CPNE5: variants seen among roughly 807,000 people sequenced by gnomAD.
CPNE5 encodes copine-5.
CPNE5 carries 42 observed loss-of-function variants against 81.1 expected under a neutral mutation model. The observed-to-expected ratio is 0.52, with a 90% confidence interval of 0.40 to 0.67. The LOEUF is 0.67. Among genes scored for constraint, CPNE5 ranks in the 30% least tolerant of loss-of-function variants. The pLI is 0.00. For missense variants in CPNE5, 612 were observed against 815.5 expected (o/e 0.75, Z 3.04); for synonymous variants, 313 against 321.5 (o/e 0.97, Z 0.28).
intron 12 of CPNE5, among the ~76,000 whole-genome samples, chr6:36,760,694 C>T (rs895987225): frequency 7.9e-5 from 12 of 152,136 alleles, no homozygotes; most frequent in African/African-American, 2.7e-4. Flanking sequence ...GAGATGAAGC[C>T]GGCTCGCCAG....
intron 3 of CPNE5, among the ~76,000 whole-genome samples, chr6:36,812,179 C>T (rs982645084): frequency 3.3e-5 from 5 of 152,184 alleles, no homozygotes; most frequent in Non-Finnish European, 4.4e-5. Context: ...GACTCCGACT[C>T]GGAAAACCAC....
At chr6:36,817,408 C>T (rs985028918) in intron 3 of CPNE5, among the ~76,000 whole-genome samples, 1 of 152,144 alleles carries the variant, frequency 6.6e-6, no homozygotes, top group Non-Finnish European at 1.5e-5. Flanking sequence ...CATCTTCACT[C>T]CTGGAGTCTG....
chr6:36,768,239 T>TTTTTTTTTTTTTTTTTC (rs1766753794), intron 10 of CPNE5, among the ~76,000 whole-genome samples: 1 of 114,050 alleles, frequency 8.8e-6, no homozygotes, highest in Non-Finnish European at 1.9e-5. Context: ...TTTTTTTTTT[T>TTTTTTTTTTTTTTTTTC]TTTTTTTTTT....
At chr6:36,834,254 C>CAAAAAAAAAAAAAAAAAAAAA (rs1157250827) in intron 1 of CPNE5, among the ~76,000 whole-genome samples, 1 of 21,684 alleles carries the variant, frequency 4.6e-5, no homozygotes, top group Non-Finnish European at 6.4e-5. Flanking sequence ...GACTGTATCT[C>CAAAAAAAAAAAAAAAAAAAAA]AAAAAAAAAA....
chr6:36,814,386 C>T (rs187421913), intron 3 of CPNE5, among the ~76,000 whole-genome samples: 18 of 152,262 alleles, frequency 1.2e-4, no homozygotes, highest in East Asian at 3.9e-4. Context: ...ATCCAACAAA[C>T]GACACATGAT....
intron 1 of CPNE5, among the ~76,000 whole-genome samples, chr6:36,837,063 T>C (rs1029643724): frequency 1.3e-5 from 2 of 152,240 alleles, no homozygotes; most frequent in African/African-American, 4.8e-5. Context: ...TTGAGTCCTT[T>C]GGACATCTTT....
chr6:36,798,216 G>C lies in CPNE5; in HGVS notation c.353C>G (p.Thr118Ser). The stretch of plus-strand genomic sequence containing the variant: ...AGGGGACCCCACAATCTCTCCAAGG[G>C]TGCAGAAGGCCTGGCCCAGGAAATC... The part of the protein sequence containing the change: ...KHDFLGQAFC[T>S]LGEIVGSPGS... Residue 118 changes from threonine (T) to serine (S), a missense_variant, in exon 6 of 21, where the codon ACC becomes AGC. Coordinates refer to ENST00000244751, the MANE Select transcript of CPNE5 (RefSeq NM_020939.2). The C allele has an allele frequency of 1.9e-6, 3 of 1,613,852 alleles. No homozygotes were observed. Among genetic ancestry groups the C allele is most frequent in the Non-Finnish European group, 2.5e-6 (3 of 1,179,880 alleles).
At chr6:36,743,868 G>A in intron 19 of CPNE5, 106 bp from the exon 20 acceptor site, 1 of 990,944 alleles carries the variant, frequency 1.0e-6, no homozygotes, top group Non-Finnish European at 1.6e-6. Context: ...CCAGGGCCGA[G>A]ACCACTGGCC....
At chr6:36,783,953 A>G (rs994058319) in intron 8 of CPNE5, among the ~76,000 whole-genome samples, 1 of 152,260 alleles carries the variant, frequency 6.6e-6, no homozygotes, top group African/African-American at 2.4e-5. Flanking sequence ...ATTCCAAATG[A>G]TGACCTCAAG....
chr6:36,837,889 T>C (rs972022144), intron 1 of CPNE5, among the ~76,000 whole-genome samples: 2 of 152,020 alleles, frequency 1.3e-5, no homozygotes, highest in African/African-American at 4.8e-5. Flanking sequence ...CTGCTTTTGA[T>C]GGCTGAGGAG....
chr6:36,824,514 C>G (rs1001598185), intron 1 of CPNE5, among the ~76,000 whole-genome samples: 1 of 152,250 alleles, frequency 6.6e-6, no homozygotes, highest in African/African-American at 2.4e-5. Context: ...GCCTCCCTTC[C>G]GGAGGTCCCA....
rs1763990394 is a variant in CPNE5, at chr6:36,745,105, G to A, written c.1374C>T (p.Leu458=). 1 of 1,613,984 alleles carries A rather than the reference G, an allele frequency of 6.2e-7. No homozygotes were observed. Among genetic ancestry groups the A allele is most frequent in the Non-Finnish European group, 8.5e-7 (1 of 1,179,972 alleles). The change falls in exon 18 of 21, where the codon CTC becomes CTT. Residue 458 remains leucine, a synonymous_variant. Transcript: ENST00000244751. ...CCGAGATGACCCCATCAGTAATGAT[G>A]AGCAGCACCGAGTACTGGGAGCCAT... ...VQDGSQYSVL[L]IITDGVISDM...
chr6:36,756,107 C>A (rs236443), intron 13 of CPNE5, 138 bp downstream of exon 13: 2 of 426,614 alleles, frequency 4.7e-6, no homozygotes, highest in Middle Eastern at 6.6e-4. Flanking sequence ...CACCCCTCCC[C>A]ACCCCATCTC....
At chr6:36,816,259 G>A (rs1322803063) in intron 3 of CPNE5, among the ~76,000 whole-genome samples, 1 of 152,218 alleles carries the variant, frequency 6.6e-6, no homozygotes, top group Non-Finnish European at 1.5e-5. Flanking sequence ...AGAAGGCCCT[G>A]GCAGGACTTG....
chr6:36,839,328 G>A lies in CPNE5; in HGVS notation c.50C>T (p.Ala17Val). ...MASLSEFDSL[A>V]GSIPATKVEI... ...CACCTTGGTGGCCGGGATGCTGCCCGCCAAGGAGTCGAACTCGCTCAGCGA... is the reference window on the plus strand; with the variant it reads ...CACCTTGGTGGCCGGGATGCTGCCCACCAAGGAGTCGAACTCGCTCAGCGA... The change falls in exon 1 of 21, where the codon GCG becomes GTG. Residue 17 changes from alanine (A) to valine (V), a missense_variant. Physicochemically the swap from Ala to Val is moderately conservative, Grantham distance 64. Transcript: ENST00000244751. This position sits in a 1 kb window ranked among gnomAD's most constrained non-coding sequence, Gnocchi z 7.3. 1.3e-6 allele frequency: 2 copies of A among 1,552,168 alleles called. No homozygotes were observed. The highest frequency in any genetic ancestry group is 1.7e-6 in the Non-Finnish European group (2 of 1,147,350).
intron 12 of CPNE5, chr6:36,757,301 T>G: frequency 1.0e-6 from 1 of 985,350 alleles, no homozygotes; most frequent in Non-Finnish European, 1.2e-6. Flanking sequence ...TGCTGCCTGT[T>G]GGTTTCTGGT....
chr6:36,839,008 C>T lies in CPNE5; in HGVS notation c.95+275G>A, dbSNP rs1773791416. On this transcript the variant is annotated intron_variant, in intron 1 of 20. Transcript: ENST00000244751. This position sits in a 1 kb window ranked among gnomAD's most constrained non-coding sequence, Gnocchi z 7.3. ...CCAACTCCCTCTCCCCACTTGGGTGCCTGGACCCCCTGTTCCTGTGTCTTC... is the reference window on the plus strand; with the variant it reads ...CCAACTCCCTCTCCCCACTTGGGTGTCTGGACCCCCTGTTCCTGTGTCTTC... Among the ~76,000 whole-genome samples the T allele has an allele frequency of 6.6e-6, 1 of 152,196 alleles. No homozygotes were observed. Among genetic ancestry groups the T allele is most frequent in the Non-Finnish European group, 1.5e-5 (1 of 68,028 alleles).
Position 36,839,441 on chromosome 6 carries a change from G to A in CPNE5, c.-64C>T. On this transcript the variant is annotated 5_prime_UTR_variant, in exon 1 of 21. Coordinates refer to ENST00000244751, the MANE Select transcript of CPNE5 (RefSeq NM_020939.2). This position sits in a 1 kb window ranked among gnomAD's most constrained non-coding sequence, Gnocchi z 7.3. The stretch of plus-strand genomic sequence containing the variant: ...GCGCGATTCACGCCTCCTCCGGAGC[G>A]ACTGGAGCCCTGGGCTCTCCCCCAA... 7.2e-7 allele frequency: 1 copy of A among 1,379,388 alleles called. No homozygotes were observed. Among genetic ancestry groups the A allele is most frequent in the Non-Finnish European group, 9.9e-7 (1 of 1,012,082 alleles). 85.4% of individuals were successfully genotyped at this position (1,379,388 alleles called of 1,614,324 possible).
chr6:36,760,843 G>C (rs1765954468), intron 12 of CPNE5, among the ~76,000 whole-genome samples: 1 of 152,144 alleles, frequency 6.6e-6, no homozygotes. Flanking sequence ...GTCTTTACTG[G>C]CTGGAGCCTG....
Sources: allele counts gnomAD v4.1 joint callset (sites outside exome capture counted in the v4.1 genomes callset), GRCh38; gene constraint gnomAD v4.1.1; non-coding constraint Gnocchi (gnomAD v3.1); transcripts MANE v1.5; gene names NCBI Gene and HGNC (gene_info 2026-07-23, HGNC 2026-07-21).